Variants in GAB1 observed in about 807,000 individuals in gnomAD.
The protein encoded by GAB1 is GRB2-associated-binding protein 1.
A neutral mutation model predicts 66.5 loss-of-function variants in GAB1; 19 were observed. The observed-to-expected ratio is 0.29, with a 90% CI of 0.20 to 0.42. The LOEUF (loss-of-function observed/expected upper bound fraction) is 0.42. GAB1 is among the 10% of genes least tolerant of loss of function. GAB1 has a pLI of 1.00. For synonymous variants in GAB1, 294 were observed against 301.4 expected, an observed-to-expected ratio of 0.98 and a Z score of 0.25; for missense variants, 732 against 858.5, an observed-to-expected ratio of 0.85 and a Z score of 1.84.
intron 1 of GAB1, among the ~76,000 whole-genome samples, chr4:143,386,677 T>A (rs1730932634): frequency 3.3e-5 from 5 of 152,188 alleles, no homozygotes; most frequent in African/African-American, 1.2e-4. Context: ...CATGAGCCAC[T>A]GCGCCTGGCC....
intron 2 of GAB1, among the ~76,000 whole-genome samples, chr4:143,431,240 C>G (rs753826511): frequency 6.6e-6 from 1 of 152,172 alleles, no homozygotes; most frequent in Non-Finnish European, 1.5e-5. Flanking sequence ...ACAGTTATAA[C>G]TGGGAGGCAA....
chr4:143,457,848 AAAG>A (rs1735276122), intron 6 of GAB1: 1 of 763,592 alleles, frequency 1.3e-6, no homozygotes, highest in East Asian at 3.1e-5. Context: ...TTCTAAAAAT[AAAG>A]AAGAACCTTA....
At chr4:143,408,475 T>C (rs1425817341) in intron 1 of GAB1, among the ~76,000 whole-genome samples, 1 of 152,176 alleles carries the variant, frequency 6.6e-6, no homozygotes, top group Non-Finnish European at 1.5e-5. Context: ...GCTGTGTTTG[T>C]ACAAACACAC....
intron 3 of GAB1, among the ~76,000 whole-genome samples, chr4:143,437,299 G>A (rs569375854): frequency 2.8e-4 from 42 of 152,260 alleles, no homozygotes; most frequent in African/African-American, 9.6e-4. Flanking sequence ...CCCAAATTTT[G>A]TGATACCTCA....
intron 9 of GAB1, among the ~76,000 whole-genome samples, chr4:143,468,503 G>C (rs1195898597): frequency 6.6e-6 from 1 of 151,698 alleles, no homozygotes; most frequent in African/African-American, 2.4e-5. Context: ...GTGAGCCACT[G>C]TGCCCAGCTT....
rs560327292 is a variant in GAB1 at position 143,345,321 on chromosome 4, T to C, written c.72+8061T>C. ...CTCCCAGCTTTTTACTTTGAATTCATACTTGGCCTAGGTAGTTCTCTTAAG... is the reference window on the plus strand; with the variant it reads ...CTCCCAGCTTTTTACTTTGAATTCACACTTGGCCTAGGTAGTTCTCTTAAG... On this transcript the variant is annotated intron_variant, in intron 1 of 9. Coordinates refer to ENST00000262994, the MANE Select transcript of GAB1 (RefSeq NM_002039.4). Among the ~76,000 whole-genome samples, 14 of 152,286 alleles carry C rather than the reference T, an allele frequency of 9.2e-5. 1 individual carries two copies. In the South Asian group the frequency reaches 2.9e-3, roughly 32 times the overall value.
chr4:143,438,141 C>T lies in GAB1; in HGVS notation c.736C>T (p.Pro246Ser). Residue 246 changes from proline to serine, a missense_variant, in exon 4 of 10, where the codon CCT becomes TCT. Physicochemically the swap from Pro to Ser is moderately conservative, Grantham distance 74. Transcript: ENST00000262994. The part of the protein sequence containing the change: ...FQQQMIYDSP[P>S]SRAPSASVDS... The stretch of plus-strand genomic sequence containing the variant: ...GCAGCAAATGATATACGACTCTCCA[C>T]CTTCACGTGCCCCATCTGCTTCAGT... 1.2e-6 allele frequency: 2 copies of T among 1,614,040 alleles called. No individual in the cohort carries two copies. The highest frequency in any genetic ancestry group is 1.7e-6 in the Non-Finnish European group (2 of 1,180,000).
intron 1 of GAB1, among the ~76,000 whole-genome samples, chr4:143,373,868 A>AATAAATAAATAAAGATATATATAT: frequency 1.1e-5 from 1 of 93,670 alleles, no homozygotes; most frequent in African/African-American, 4.6e-5. Context: ...TAAATAAATA[A>AATAAATAAATAAAGATATATATAT]ATATATATAT....
intron 1 of GAB1, among the ~76,000 whole-genome samples, chr4:143,350,721 C>A: frequency 6.6e-6 from 1 of 150,430 alleles, no homozygotes; most frequent in African/African-American, 2.4e-5. Flanking sequence ...ATTTTAGGCC[C>A]TGGTAATGGG....
chr4:143,432,764 C>T (rs1733724939), intron 2 of GAB1, among the ~76,000 whole-genome samples: 1 of 152,156 alleles, frequency 6.6e-6, no homozygotes, highest in African/African-American at 2.4e-5. Context: ...ACATGGTTTT[C>T]AAATTGCTTC....
intron 1 of GAB1, among the ~76,000 whole-genome samples, chr4:143,413,603 AT>A (rs146881231): frequency 0.025 from 3,742 of 152,170 alleles, 63 homozygotes; most frequent in African/African-American, 0.05. Context: ...ATGCTTGTTC[AT>A]GTAGCAATAC....
At chr4:143,387,572 T>A (rs899413363) in intron 1 of GAB1, among the ~76,000 whole-genome samples, 1 of 152,212 alleles carries the variant, frequency 6.6e-6, no homozygotes, top group African/African-American at 2.4e-5. Context: ...TCCTAACTCC[T>A]GGACTTTTCC....
chr4:143,435,598 C>T (rs955270445), intron 3 of GAB1, among the ~76,000 whole-genome samples: 1 of 152,106 alleles, frequency 6.6e-6, no homozygotes, highest in Non-Finnish European at 1.5e-5. Flanking sequence ...CTATATTTTG[C>T]AAAAGTGACA....
chr4:143,423,862 A>ATT (rs35941121), intron 2 of GAB1, among the ~76,000 whole-genome samples: 3 of 124,592 alleles, frequency 2.4e-5, no homozygotes, highest in Non-Finnish European at 3.4e-5. Flanking sequence ...TGAAAAGGAT[A>ATT]TTTTTTTTTT....
Position 143,464,269 on chromosome 4 carries a change from G to T in GAB1, c.1804-1834G>T, listed in dbSNP as rs1023780406. Among the ~76,000 whole-genome samples the T allele has an allele frequency of 6.0e-4, 92 of 152,070 alleles. 3 individuals are homozygous for T. The highest frequency in any genetic ancestry group is 1.3e-4 in the Non-Finnish European group (9 of 68,012). ...TTTTCAGACAGAGTTTCCCTCTGTT[G>T]CCCAGGCTGGAGTGCAGTGGTGCGA... On this transcript the variant is annotated intron_variant, in intron 8 of 9. Transcript: ENST00000262994.
At position 143,413,824 on chromosome 4, in the gene GAB1, C is replaced by CTTTTTTTTTT. The variant is rs35422180; in HGVS notation, c.73-1638_73-1629dup. Among the ~76,000 whole-genome samples, 30 of 67,822 alleles carry CTTTTTTTTTT rather than the reference C, an allele frequency of 4.4e-4. 1 individual carries two copies. Among genetic ancestry groups the CTTTTTTTTTT allele is most frequent in the African/African-American group, 1.4e-3 (15 of 10,616 alleles). 44.5% of individuals were successfully genotyped at this position (67,822 alleles called of 152,430 possible). A position where few individuals can be genotyped will look rare whatever the true frequency, so the allele number is the denominator to read the frequency against. On this transcript the variant is annotated intron_variant, in intron 1 of 9. Coordinates refer to ENST00000262994, the MANE Select transcript of GAB1 (RefSeq NM_002039.4). ...AGAGCATCCCCACCACCCCGCTGCCCTTTTTTTTTTTTTTTTTTTTTTTTG... is the reference window on the plus strand; with the variant it reads ...AGAGCATCCCCACCACCCCGCTGCCCTTTTTTTTTTTTTTTTTTTTTTTTTTTTTTTTTTG...
intron 2 of GAB1, among the ~76,000 whole-genome samples, chr4:143,418,130 G>A (rs1242412661): frequency 6.6e-6 from 1 of 152,228 alleles, no homozygotes; most frequent in African/African-American, 2.4e-5. Context: ...AGAATCTCAC[G>A]GGAACAGCAG....
chr4:143,416,753 G>A (rs974837448), intron 2 of GAB1, among the ~76,000 whole-genome samples: 5 of 152,192 alleles, frequency 3.3e-5, no homozygotes, highest in South Asian at 4.1e-4. Context: ...CAGCCTGGGC[G>A]ACAGAGCAAG....
At chr4:143,402,610 G>T (rs1402606798) in intron 1 of GAB1, among the ~76,000 whole-genome samples, 2 of 152,138 alleles carry the variant, frequency 1.3e-5, no homozygotes, top group South Asian at 2.1e-4. Flanking sequence ...CATCACAAAG[G>T]GTTGGAGATT....
Sources: allele counts gnomAD v4.1 joint callset (sites outside exome capture counted in the v4.1 genomes callset), GRCh38; gene constraint gnomAD v4.1.1; transcripts MANE v1.5; gene names NCBI Gene and HGNC (gene_info 2026-07-23, HGNC 2026-07-21).